The following ALDH8A1 variants were observed in gnomAD, a reference collection of about 807,000 sequenced individuals.
ALDH8A1 encodes aldehyde dehydrogenase 8 family member A1, also known as 2-aminomuconic semialdehyde dehydrogenase.
Under a neutral mutation model 43.3 loss-of-function variants are expected in ALDH8A1, and 39 were observed. That is an observed-to-expected ratio of 0.90 (90% CI 0.70 to 1.18). The LOEUF is 1.18. Ranked by LOEUF, ALDH8A1 falls within the 50% of genes most tolerant of loss-of-function variation. ALDH8A1 has a pLI of 0.00. For synonymous variants in ALDH8A1, 233 were observed against 243.5 expected (o/e 0.96, Z 0.40); for missense variants, 605 against 622.6 (o/e 0.97, Z 0.30).
intron 4 of ALDH8A1, among the ~76,000 whole-genome samples, chr6:134,936,242 T>A (rs138578445): frequency 0.012 from 1,782 of 152,344 alleles, 23 homozygotes; most frequent in Non-Finnish European, 0.019. Context: ...TAAGCCACCA[T>A]GCCTGGCCAA....
chr6:134,940,930 T>C lies in ALDH8A1; in HGVS notation c.442+1479A>G, dbSNP rs779823074. On this transcript the variant is annotated intron_variant, in intron 3 of 6. Transcript: ENST00000265605. ...AAACATAATTTCTGAAGGTTTCAAG[T>C]AACCAAAGCAATGAGATGTCCCAAT... Among the ~76,000 whole-genome samples, 7 of 152,374 alleles carry C rather than the reference T, an allele frequency of 4.6e-5. No homozygotes were observed. The South Asian group carries it at 1.2e-3, about 27-fold the overall frequency.
chr6:134,929,239 A>G (rs1398641490), intron 5 of ALDH8A1, 24 bp from the exon 6 acceptor site: 1 of 1,610,546 alleles, frequency 6.2e-7, no homozygotes, highest in Non-Finnish European at 8.5e-7. Flanking sequence ...GAACAGGGAT[A>G]AGGCTGCGGA....
Position 134,918,233 on chromosome 6 carries a change from T to A in ALDH8A1, c.*182A>T. On this transcript the variant is annotated 3_prime_UTR_variant, in exon 7 of 7. Coordinates refer to ENST00000265605, the MANE Select transcript of ALDH8A1 (RefSeq NM_022568.4). ...TAAGTCTTTTTTTCCGAGTCCACAT[T>A]GAAAATAGACAGTATCTCTTCACTA... 1.6e-6 allele frequency: 1 copy of A among 607,354 alleles called. No individual in the cohort carries two copies. The highest frequency in any genetic ancestry group is 2.4e-5 in the South Asian group (1 of 42,346). The allele number at this position is 607,354 out of a possible 1,614,324, so 37.6% of individuals were successfully genotyped here. A position where few individuals can be genotyped will look rare whatever the true frequency, so the allele number is the denominator to read the frequency against.
rs376642654 is a variant in ALDH8A1 at position 134,948,128 on chromosome 6, G to A, written c.138+1788C>T. On this transcript the variant is annotated intron_variant, in intron 1 of 6. Transcript: ENST00000265605. Reference sequence around the variant, plus strand: ...CACGATTTGAGCTGGAGGATATTACGTTAAGTGAAGTAAGCAAGGCACAAA... The same window carrying A: ...CACGATTTGAGCTGGAGGATATTACATTAAGTGAAGTAAGCAAGGCACAAA... 6.2e-3 allele frequency among the ~76,000 whole-genome samples: 938 copies of A among 152,262 alleles called. 8 individuals are homozygous for A. Among genetic ancestry groups the A allele is most frequent in the African/African-American group, 0.021 (870 of 41,552 alleles).
At chr6:134,940,458 G>A (rs1773834609) in intron 3 of ALDH8A1, among the ~76,000 whole-genome samples, 1 of 152,092 alleles carries the variant, frequency 6.6e-6, no homozygotes, top group Non-Finnish European at 1.5e-5. Context: ...ATAAAATAGG[G>A]GCCAATGAGT....
At chr6:134,928,221 C>G (rs1027091017) in intron 6 of ALDH8A1, among the ~76,000 whole-genome samples, 7 of 152,224 alleles carry the variant, frequency 4.6e-5, no homozygotes, top group African/African-American at 1.4e-4. Context: ...CACCCTGACA[C>G]CTATTTCACT....
intron 4 of ALDH8A1, among the ~76,000 whole-genome samples, chr6:134,935,367 T>C (rs576556697): frequency 2.7e-4 from 41 of 152,346 alleles, no homozygotes; most frequent in African/African-American, 8.7e-4. Context: ...GAAAGTGAGA[T>C]TGAATAACAA....
intron 1 of ALDH8A1, among the ~76,000 whole-genome samples, chr6:134,947,707 C>A (rs189008764): frequency 6.6e-6 from 1 of 151,834 alleles, no homozygotes; most frequent in Non-Finnish European, 1.5e-5. Context: ...ATTATCTCAT[C>A]CCAGTTAAAA....
At chr6:134,942,602 T>C (rs992836292) in intron 2 of ALDH8A1, 38 bp from the exon 3 acceptor site, 2 of 1,589,820 alleles carry the variant, frequency 1.3e-6, no homozygotes, top group Non-Finnish European at 1.7e-6. Flanking sequence ...TATCAGCTAA[T>C]GGGGACACTC....
At position 134,928,977 on chromosome 6, in the gene ALDH8A1, G is replaced by A. The variant is rs1054169086; in HGVS notation, c.1011+77C>T. The A allele has an allele frequency of 4.1e-6, 6 of 1,479,966 alleles. No homozygotes were observed. The African/African-American group carries it at 8.5e-5, about 21-fold the overall frequency. The allele number at this position is 1,479,966 out of a possible 1,614,324, so 91.7% of individuals were successfully genotyped here. ...AGTAACTAACAATATTTCAGAGTCT[G>A]ATTGTGCTATGCCTGTACTGAGCTT... On this transcript the variant is annotated intron_variant, in intron 6 of 6. Transcript: ENST00000265605.
At chr6:134,936,936 C>T (rs997515279) in intron 4 of ALDH8A1, among the ~76,000 whole-genome samples, 26 of 152,052 alleles carry the variant, frequency 1.7e-4, no homozygotes, top group African/African-American at 5.8e-4. Context: ...TAGGAACAGA[C>T]GAGAACAGAC....
In ALDH8A1 at chr6:134,932,866, C is replaced by G; in HGVS notation, c.759G>C (p.Glu253Asp). ...TGATGGCAGGATTCTTGCCCCCCAG[C>G]TCCAGGGAGAGCTTTTTGCAGTGGG... ...SAPHCKKLSL[E>D]LGGKNPAIIF... is the part of the protein sequence containing the mutation. Residue 253 changes from glutamate to aspartate, a missense_variant, in exon 5 of 7, where the codon GAG becomes GAC. Glu to Asp is a conservative substitution (Grantham distance 45). Coordinates refer to ENST00000265605, the MANE Select transcript of ALDH8A1 (RefSeq NM_022568.4). The G allele has an allele frequency of 3.7e-6, 6 of 1,614,238 alleles. No individual in the cohort carries two copies. The highest frequency in any genetic ancestry group is 5.1e-6 in the Non-Finnish European group (6 of 1,180,046).
chr6:134,922,914 A>G (rs1353761497), intron 6 of ALDH8A1, among the ~76,000 whole-genome samples: 1 of 152,208 alleles, frequency 6.6e-6, no homozygotes, highest in Non-Finnish European at 1.5e-5. Flanking sequence ...GCATGAACAG[A>G]TGTACCTTAG....
At chr6:134,937,562 A>G (rs1773764122) in intron 4 of ALDH8A1, among the ~76,000 whole-genome samples, 1 of 152,228 alleles carries the variant, frequency 6.6e-6, no homozygotes, top group Non-Finnish European at 1.5e-5. Flanking sequence ...GGCCAGGTTC[A>G]GGGCAGACTG....
intron 3 of ALDH8A1, 141 bp from the exon 4 acceptor site, chr6:134,939,556 A>T (rs1773815534): frequency 3.1e-6 from 3 of 958,068 alleles, no homozygotes; most frequent in Non-Finnish European, 4.5e-6. Context: ...AGCTTTGCTT[A>T]TTTGTAGCCA....
chr6:134,923,230 A>G (rs2114678650), intron 6 of ALDH8A1, among the ~76,000 whole-genome samples: 1 of 152,048 alleles, frequency 6.6e-6, no homozygotes, highest in East Asian at 1.9e-4. Context: ...GGGTTTTGCC[A>G]TGTTGCCCAG....
rs144373394 is a variant in ALDH8A1, at chr6:134,942,176, T to C, written c.442+233A>G. 1.3e-4 allele frequency: 43 copies of C among 342,476 alleles called. No individual in the cohort carries two copies. The East Asian group carries it at 2.3e-3, about 18-fold the overall frequency. 21.2% of individuals were successfully genotyped at this position (342,476 alleles called of 1,614,324 possible). On this transcript the variant is annotated intron_variant, in intron 3 of 6. Transcript: ENST00000265605. ...CAGAGGTTGCAGTGAGCCGAGATCA[T>C]GCCACTGCACTCCAGCCTGGGCGAC... is the stretch of plus-strand genomic sequence containing the variant.
Position 134,918,170 on chromosome 6 carries a change from GC to G in ALDH8A1, c.*244del. On this transcript the variant is annotated 3_prime_UTR_variant, in exon 7 of 7. Transcript: ENST00000265605. ...ACTATGAAAACATAACCTGGGAGGA[GC>G]CTGACAACTGGCATCATTGTTCTAT... is the stretch of plus-strand genomic sequence containing the variant. 2.0e-6 allele frequency: 1 copy of G among 508,676 alleles called. No individual in the cohort carries two copies. The highest frequency in any genetic ancestry group is 1.9e-5 in the African/African-American group (1 of 52,480). 31.5% of individuals were successfully genotyped at this position (508,676 alleles called of 1,614,324 possible). A position where few individuals can be genotyped will look rare whatever the true frequency, so the allele number is the denominator to read the frequency against.
In ALDH8A1 at chr6:134,943,833, T is replaced by C. The variant is rs892675010; in HGVS notation, c.272A>G (p.Glu91Gly). The C allele has an allele frequency of 5.6e-6, 9 of 1,614,074 alleles. No homozygotes were observed. Among genetic ancestry groups the C allele is most frequent in the Admixed American group, 3.3e-5 (2 of 60,012 alleles). ...EQSLEEFAQA[E>G]SKDQGKTLAL... ...GCAACTCTCACCTTGGTCTTTAGAC[T>C]CGGCCTGGGCAAACTCCTCCAGGGA... is the stretch of plus-strand genomic sequence containing the variant. Residue 91 changes from glutamate (E) to glycine (G), a missense_variant, in exon 2 of 7, where the codon GAG becomes GGG. Glu to Gly is a moderately conservative substitution (Grantham distance 98). Transcript: ENST00000265605.
Sources: allele counts gnomAD v4.1 joint callset (sites outside exome capture counted in the v4.1 genomes callset), GRCh38; gene constraint gnomAD v4.1.1; transcripts MANE v1.5; gene names NCBI Gene and HGNC (gene_info 2026-07-23, HGNC 2026-07-21).